FMR1: variants seen among roughly 807,000 people sequenced by gnomAD.
The protein encoded by FMR1 is fragile X messenger ribonucleoprotein 1.
Under a neutral mutation model 50.6 loss-of-function variants are expected in FMR1, and 13 were observed. That is an observed-to-expected ratio of 0.26 (90% CI 0.17 to 0.41). FMR1 has a LOEUF of 0.41. Ranked by LOEUF, FMR1 falls within the 10% of genes least tolerant of loss-of-function variation. The pLI is 1.00. For synonymous variants in FMR1, 138 were observed against 164.1 expected (o/e 0.84, Z 1.22); for missense variants, 316 against 491.3 (o/e 0.64, Z 3.37).
intron 1 of FMR1, among the ~76,000 whole-genome samples, chrX:147,920,933 G>A: frequency 8.9e-6 from 1 of 111,858 alleles, no homozygotes; most frequent in Non-Finnish European, 1.9e-5. Context: ...AAATTCTAAG[G>A]ATATGAAAGA....
chrX:147,919,300 T>C (rs2043040086), intron 1 of FMR1, among the ~76,000 whole-genome samples: 1 of 111,541 alleles, frequency 9.0e-6, no homozygotes, highest in African/African-American at 3.3e-5. Flanking sequence ...TTTCCCATTC[T>C]CCATAATTTT....
intron 7 of FMR1, among the ~76,000 whole-genome samples, chrX:147,931,446 T>G (rs2043604063): frequency 8.9e-6 from 1 of 112,018 alleles, no homozygotes; most frequent in Admixed American, 9.5e-5. Context: ...TTTAAATTAT[T>G]TATGCTAGTT....
chrX:147,922,281 G>C (rs782559452), intron 2 of FMR1, among the ~76,000 whole-genome samples: 1 of 111,877 alleles, frequency 8.9e-6, no homozygotes, highest in South Asian at 3.7e-4. Flanking sequence ...TCGCATAGGA[G>C]TATTTGTAAA....
intron 16 of FMR1, among the ~76,000 whole-genome samples, chrX:147,945,984 C>G (rs1427524030): frequency 4.5e-5 from 5 of 112,148 alleles, no homozygotes; most frequent in African/African-American, 1.6e-4. Context: ...TCAAGTGATT[C>G]TCCTGCCTCA....
intron 2 of FMR1, among the ~76,000 whole-genome samples, chrX:147,923,615 TTCAA>T (rs1167518200): frequency 8.9e-6 from 1 of 112,210 alleles, no homozygotes; most frequent in Admixed American, 9.4e-5. Flanking sequence ...CTTTTTAATT[TTCAA>T]TCAGATTTCT....
intron 1 of FMR1, 40 bp downstream of exon 1, chrX:147,912,270 T>C (rs1557174043): frequency 8.9e-7 from 1 of 1,126,031 alleles, no homozygotes; most frequent in Non-Finnish European, 1.2e-6. Context: ...CGCCCTTCCT[T>C]CCCTCCCTTT....
chrX:147,944,443 C>T (rs2044105843), intron 14 of FMR1: 1 of 751,234 alleles, frequency 1.3e-6, no homozygotes. Flanking sequence ...AAAATATATA[C>T]ATTCCCCTCT....
At chrX:147,944,275 G>T in intron 14 of FMR1, 1 of 753,180 alleles carries the variant, frequency 1.3e-6, no homozygotes, top group Non-Finnish European at 1.6e-6. Flanking sequence ...CTTTATTAAT[G>T]ATCAATTATT....
chrX:147,947,091 G>T (rs2044192161), intron 16 of FMR1: 1 of 110,468 alleles, frequency 9.1e-6, no homozygotes, highest in Non-Finnish European at 1.9e-5. Context: ...TTTAAAAGGT[G>T]ATGTTTTCTC....
At chrX:147,932,877 C>A in intron 9 of FMR1, 114 bp downstream of exon 9, 1 of 515,291 alleles carries the variant, frequency 1.9e-6, no homozygotes, top group Non-Finnish European at 3.4e-6. Context: ...TTAATTGAAA[C>A]ATAGTCTTTG....
chrX:147,924,875 TATC>T (rs2043333051), intron 2 of FMR1: 1 of 110,160 alleles, frequency 9.1e-6, no homozygotes, highest in Non-Finnish European at 1.9e-5. Context: ...AGTTGTTTAA[TATC>T]ATTTTAAATT....
At position 147,922,072 on chromosome X, in the gene FMR1, C is replaced by T. The variant is rs781924236; in HGVS notation, c.104+87C>T. On this transcript the variant is annotated intron_variant, in intron 2 of 16. Coordinates refer to ENST00000370475, the MANE Select transcript of FMR1 (RefSeq NM_002024.6). ...TCTTCATTTTTTAAAAATTCAAGTC[C>T]AGTTTGAGTGCTTTTCAGGAATGGA... The T allele has an allele frequency of 2.0e-4, 113 of 579,214 alleles. No individual in the cohort carries two copies. In the East Asian group the frequency reaches 3.9e-3, roughly 20 times the overall value. The allele number at this position is 579,214 out of a possible 1,213,427, so 47.7% of individuals were successfully genotyped here.
chrX:147,941,197 A>G (rs893316938), intron 13 of FMR1, among the ~76,000 whole-genome samples: 3 of 111,945 alleles, frequency 2.7e-5, no homozygotes, highest in Non-Finnish European at 3.8e-5. Flanking sequence ...TCAAACTGGA[A>G]GATAGGAACG....
At chrX:147,943,472 A>G (rs1267919912) in intron 14 of FMR1, 146 bp downstream of exon 14, 4 of 531,368 alleles carry the variant, frequency 7.5e-6, no homozygotes, top group African/African-American at 4.6e-5. Flanking sequence ...TACAGGAGAC[A>G]TAGAGTAAAA....
chrX:147,912,113 G>GC lies in FMR1; in HGVS notation c.-67_-66insC, dbSNP rs1557173927. ...GGCGGCGGCGGCGGCGGCGGCGGCTGGGCCTCGAGCGCCCGCAGCCCACCT... is the reference window on the plus strand; with the variant it reads ...GGCGGCGGCGGCGGCGGCGGCGGCTGCGGCCTCGAGCGCCCGCAGCCCACCT... On this transcript the variant is annotated 5_prime_UTR_variant, in exon 1 of 17. Coordinates refer to ENST00000370475, the MANE Select transcript of FMR1 (RefSeq NM_002024.6). 1.1e-5 allele frequency: 9 copies of GC among 790,457 alleles called. No homozygotes were observed. Among genetic ancestry groups the GC allele is most frequent in the African/African-American group, 6.9e-5 (3 of 43,246 alleles). 65.1% of individuals were successfully genotyped at this position (790,457 alleles called of 1,213,427 possible). A position where few individuals can be genotyped will look rare whatever the true frequency, so the allele number is the denominator to read the frequency against.
chrX:147,918,622 T>C (rs1557175834), intron 1 of FMR1, among the ~76,000 whole-genome samples: 1 of 91,102 alleles, frequency 1.1e-5, no homozygotes, highest in African/African-American at 4.0e-5. Flanking sequence ...TTTGAGAGAA[T>C]ATTTGATTTT....
chrX:147,925,913 G>C (rs186344906), intron 3 of FMR1, among the ~76,000 whole-genome samples: 2 of 111,705 alleles, frequency 1.8e-5, no homozygotes, highest in Admixed American at 1.9e-4. Context: ...CTCAATTTCT[G>C]AATCTTTGAA....
Position 147,944,314 on chromosome X carries a change from A to G in FMR1, c.1472-555A>G, listed in dbSNP as rs915243920. On this transcript the variant is annotated intron_variant, in intron 14 of 16. Coordinates refer to ENST00000370475, the MANE Select transcript of FMR1 (RefSeq NM_002024.6). ...ATGGGAGTGGGAGGGCAGGTTGTGGACCAAACATCAGGCAAGCATGTATCT... is the reference window on the plus strand; with the variant it reads ...ATGGGAGTGGGAGGGCAGGTTGTGGGCCAAACATCAGGCAAGCATGTATCT... The G allele has an allele frequency of 8.0e-6, 6 of 751,200 alleles. No individual in the cohort carries two copies. The African/African-American group carries it at 9.3e-5, about 12-fold the overall frequency. The allele number at this position is 751,200 out of a possible 1,213,427, so 61.9% of individuals were successfully genotyped here.
At chrX:147,940,890 C>T (rs1557180730) in intron 13 of FMR1, among the ~76,000 whole-genome samples, 1 of 111,476 alleles carries the variant, frequency 9.0e-6, no homozygotes, top group Non-Finnish European at 1.9e-5. Context: ...TTATACTTCC[C>T]TTTATTCTTC....
Sources: allele counts gnomAD v4.1 joint callset (sites outside exome capture counted in the v4.1 genomes callset), GRCh38; gene constraint gnomAD v4.1.1; transcripts MANE v1.5; gene names NCBI Gene and HGNC (gene_info 2026-07-23, HGNC 2026-07-21).